The following OR56A4 variants were observed in gnomAD, a reference collection of about 807,000 sequenced individuals.
OR56A4 encodes olfactory receptor family 56 subfamily A member 4, also known as olfactory receptor 56A4.
A neutral mutation model predicts 13.6 loss-of-function variants in OR56A4; 9 were observed. The observed-to-expected ratio is 0.66, with a 90% confidence interval of 0.40 to 1.15. OR56A4 has a LOEUF of 1.15. Among genes scored for constraint, OR56A4 ranks in the 50% most tolerant of loss-of-function variants. OR56A4 has a pLI of 0.01. For synonymous variants in OR56A4, 167 were observed against 153.9 expected, an observed-to-expected ratio of 1.08 and a Z score of -0.63; for missense variants, 380 against 375.9, an observed-to-expected ratio of 1.01 and a Z score of -0.09.
Position 5,999,906 on chromosome 11 carries a change from G to A in OR56A4, c.*2145C>T, listed in dbSNP as rs1455129675. On this transcript the variant is annotated 3_prime_UTR_variant, in exon 3 of 3. Transcript: ENST00000641156. ...AATGATTCCAGTCGGGAGGATCAGG[G>A]AAGGAAGACCTACTGTGGGAGATGG... 2 of 152,238 alleles carry A rather than the reference G, an allele frequency of 1.3e-5. No individual in the cohort carries two copies. 9.4% of individuals were successfully genotyped at this position (152,238 alleles called of 1,614,324 possible).
rs978412432 is a variant in OR56A4, at chr11:6,001,836, T to C, written c.*215A>G. Reference sequence around the variant, plus strand: ...ATCAGGAAAAATTCCAAAGTAACCATAGAATCCAGAAAAGGGAGGTTTCCT... The same window carrying C: ...ATCAGGAAAAATTCCAAAGTAACCACAGAATCCAGAAAAGGGAGGTTTCCT... On this transcript the variant is annotated 3_prime_UTR_variant, in exon 3 of 3. Coordinates refer to ENST00000641156, the MANE Select transcript of OR56A4 (RefSeq NM_001005179.4). 8.1e-6 allele frequency: 4 copies of C among 493,202 alleles called. No homozygotes were observed. The highest frequency in any genetic ancestry group is 1.4e-5 in the Non-Finnish European group (4 of 290,042). 30.6% of individuals were successfully genotyped at this position (493,202 alleles called of 1,614,324 possible). A position where few individuals can be genotyped will look rare whatever the true frequency, so the allele number is the denominator to read the frequency against.
At chr11:6,005,839 G>A (rs974188573) in intron 2 of OR56A4, among the ~76,000 whole-genome samples, 4 of 152,120 alleles carry the variant, frequency 2.6e-5, no homozygotes, top group Admixed American at 1.3e-4. Flanking sequence ...ATCTCACAAA[G>A]TTTCCACTTT....
chr11:6,004,862 AT>A (rs1158356079), intron 2 of OR56A4, among the ~76,000 whole-genome samples: 14 of 152,216 alleles, frequency 9.2e-5, no homozygotes, highest in African/African-American at 3.1e-4. Flanking sequence ...CCTCGTCAGA[AT>A]GCTAAAGACA....
rs1455023741 is a variant in OR56A4 at position 6,002,760 on chromosome 11, A to G, written c.233T>C (p.Leu78Pro). Residue 78 changes from leucine (L) to proline (P), a missense_variant, in exon 3 of 3, where the codon CTC becomes CCC. By Grantham distance (98) the Leu-to-Pro change is moderately conservative. Coordinates refer to ENST00000641156, the MANE Select transcript of OR56A4 (RefSeq NM_001005179.4). Reference sequence around the variant, plus strand: ...GGCCAGGACCTTGGGGATGACGGTGAGGCAGAGCACGATGTCCAGCAGGGA... The same window carrying G: ...GGCCAGGACCTTGGGGATGACGGTGGGGCAGAGCACGATGTCCAGCAGGGA... ...LLSLLDIVLCLTVIPKVLAIF... is the reference protein window; with the variant it reads ...LLSLLDIVLCPTVIPKVLAIF... 1.2e-6 allele frequency: 2 copies of G among 1,614,092 alleles called. No homozygotes were observed. Among genetic ancestry groups the G allele is most frequent in the Admixed American group, 3.3e-5 (2 of 60,026 alleles).
In OR56A4 at chr11:6,002,828, C is replaced by T. The variant is rs1404522550; in HGVS notation, c.165G>A (p.Glu55=). The T allele has an allele frequency of 2.0e-5, 33 of 1,613,852 alleles. No individual in the cohort carries two copies. Among genetic ancestry groups the T allele is most frequent in the Non-Finnish European group, 2.7e-5 (32 of 1,179,974 alleles). ...AGTACAGGGGCTGGTGCAGAGAGGC[C>T]TCCAGCTGGATGGTGATCAGGAGGG... The part of the protein sequence containing the change: ...NTTLLITIQL[E]ASLHQPLYYL... Residue 55 remains glutamate, a synonymous_variant, in exon 3 of 3, where the codon GAG becomes GAA. Transcript: ENST00000641156.
chr11:6,006,881 T>C (rs1323443288), intron 1 of OR56A4, 37 bp downstream of exon 1: 1 of 152,556 alleles, frequency 6.6e-6, no homozygotes, highest in African/African-American at 2.4e-5. Flanking sequence ...CAGCATCCTC[T>C]TCCTCATAAT....
chr11:6,003,020 C>A lies in OR56A4; in HGVS notation c.-28G>T. ...AAAGTTTCCTGATCAATCTGGAGAC[C>A]CAGTGTACCTTAAAACGTAGTAGAG... On this transcript the variant is annotated 5_prime_UTR_variant, in exon 3 of 3. Coordinates refer to ENST00000641156, the MANE Select transcript of OR56A4 (RefSeq NM_001005179.4). The A allele has an allele frequency of 1.2e-6, 2 of 1,613,990 alleles. No homozygotes were observed. Among genetic ancestry groups the A allele is most frequent in the Non-Finnish European group, 1.7e-6 (2 of 1,179,934 alleles).
intron 2 of OR56A4, 21 bp from the exon 3 acceptor site, chr11:6,003,049 T>C: frequency 6.2e-7 from 1 of 1,613,862 alleles, no homozygotes. Context: ...AGTAGAGAAG[T>C]ACAGAAACAT....
At chr11:6,003,117 C>G in intron 2 of OR56A4, 89 bp from the exon 3 acceptor site, 1 of 1,586,008 alleles carries the variant, frequency 6.3e-7, no homozygotes, top group Non-Finnish European at 8.6e-7. Context: ...CTGTATCTGT[C>G]CCAATAAAGT....
Position 6,002,694 on chromosome 11 carries a change from C to A in OR56A4, c.299G>T (p.Cys100Phe). ...GTTCATGATGAACATCTGGAGGAAG[C>A]AGGCTGGGAAGCTGATCGACCTGAG... The part of the protein sequence containing the change: ...FDLRSISFPA[C>F]FLQMFIMNSF... The change falls in exon 3 of 3, where the codon TGC (cysteine) becomes TTC (phenylalanine). Residue 100 changes from cysteine to phenylalanine, a missense_variant. Cys to Phe is a radical substitution (Grantham distance 205). Transcript: ENST00000641156. The A allele has an allele frequency of 1.2e-5, 19 of 1,614,212 alleles. No homozygotes were observed. The highest frequency in any genetic ancestry group is 1.6e-5 in the Non-Finnish European group (19 of 1,180,038).
chr11:6,002,574 G>T lies in OR56A4; in HGVS notation c.419C>A (p.Thr140Asn). The T allele has an allele frequency of 6.2e-7, 1 of 1,614,264 alleles. No individual in the cohort carries two copies. The highest frequency in any genetic ancestry group is 8.5e-7 in the Non-Finnish European group (1 of 1,180,052). The part of the protein sequence containing the change: ...CHPLRYPSII[T>N]DQFVARAVVF... ...CACGGCCCTAGCCACAAACTGGTCA[G>T]TGATGATAGACGGGTATCTCAATGG... The change falls in exon 3 of 3, where the codon ACT (threonine) becomes AAT (asparagine). Residue 140 changes from threonine to asparagine, a missense_variant. Coordinates refer to ENST00000641156, the MANE Select transcript of OR56A4 (RefSeq NM_001005179.4).
At chr11:6,004,238 G>C (rs1037741246) in intron 2 of OR56A4, among the ~76,000 whole-genome samples, 1 of 152,140 alleles carries the variant, frequency 6.6e-6, no homozygotes, top group African/African-American at 2.4e-5. Flanking sequence ...TGTAATCCCA[G>C]CTACTTGGGA....
Position 6,000,681 on chromosome 11 carries a change from G to C in OR56A4, c.*1370C>G, listed in dbSNP as rs1325547609. 1 of 152,154 alleles carries C rather than the reference G, an allele frequency of 6.6e-6. No homozygotes were observed. Among genetic ancestry groups the C allele is most frequent in the African/African-American group, 2.4e-5 (1 of 41,444 alleles). 9.4% of individuals were successfully genotyped at this position (152,154 alleles called of 1,614,324 possible). On this transcript the variant is annotated 3_prime_UTR_variant, in exon 3 of 3. Coordinates refer to ENST00000641156, the MANE Select transcript of OR56A4 (RefSeq NM_001005179.4). ...TTGGCAAATGGTGATAATGGTAAAA[G>C]AAGGCTGATGTGAGAAGCATCAAAT...
chr11:6,002,152 T>C lies in OR56A4; in HGVS notation c.841A>G (p.Ile281Val), dbSNP rs1317951761. 1 of 1,614,166 alleles carries C rather than the reference T, an allele frequency of 6.2e-7. No individual in the cohort carries two copies. Residue 281 changes from isoleucine to valine, a missense_variant, in exon 3 of 3, where the codon ATC becomes GTC. Transcript: ENST00000641156. ...IPPDVPILLN[I>V]LHHLIPPALN... ...GCTGGGGGAATGAGGTGGTGCAGGA[T>C]GTTGAGCAGGATGGGGACATCTGGA... is the stretch of plus-strand genomic sequence containing the variant.
chr11:6,002,413 C>T lies in OR56A4; in HGVS notation c.580G>A (p.Asp194Asn). ...TGGTAGAGCTGATTGAAAGTGATGT[C>T]ATCACAAGAGAGTTTGGACACAGAC... ...NLSVSKLSCD[D>N]ITFNQLYQFV... The change falls in exon 3 of 3, where the codon GAC becomes AAC. Residue 194 changes from aspartate to asparagine, a missense_variant. By Grantham distance (23) the Asp-to-Asn change is conservative. Coordinates refer to ENST00000641156, the MANE Select transcript of OR56A4 (RefSeq NM_001005179.4). 1 of 1,614,224 alleles carries T rather than the reference C, an allele frequency of 6.2e-7. No individual in the cohort carries two copies. Among genetic ancestry groups the T allele is most frequent in the Non-Finnish European group, 8.5e-7 (1 of 1,180,034 alleles).
At position 6,006,313 on chromosome 11, in the gene OR56A4, G is replaced by A. The variant is rs1848258777; in HGVS notation, c.-101C>T. 6.6e-6 allele frequency: 1 copy of A among 152,168 alleles called. No individual in the cohort carries two copies. Among genetic ancestry groups the A allele is most frequent in the South Asian group, 2.1e-4 (1 of 4,820 alleles). 9.4% of individuals were successfully genotyped at this position (152,168 alleles called of 1,614,324 possible). Reference sequence around the variant, plus strand: ...CTGAATTTTCCTTAGTGAAATTGAGGCCTCCTAATCTGAGAAATGAAGAAT... The same window carrying A: ...CTGAATTTTCCTTAGTGAAATTGAGACCTCCTAATCTGAGAAATGAAGAAT... On this transcript the variant is annotated 5_prime_UTR_variant, in exon 2 of 3. Transcript: ENST00000641156.
Position 6,002,985 on chromosome 11 carries a change from G to T in OR56A4, c.8C>A (p.Ser3Tyr). MA[S>Y]PSNDSTAPVS... ...TGGGGCAGTGGAGTCATTGCTGGGA[G>T]ATGCCATGTAAAGTTTCCTGATCAA... is the stretch of plus-strand genomic sequence containing the variant. Residue 3 changes from serine (S) to tyrosine (Y), a missense_variant, in exon 3 of 3, where the codon TCT becomes TAT. Ser to Tyr is a moderately radical substitution (Grantham distance 144). Transcript: ENST00000641156. 6.2e-7 allele frequency: 1 copy of T among 1,614,110 alleles called. No individual in the cohort carries two copies.
chr11:6,004,606 C>T (rs1388684142), intron 2 of OR56A4, among the ~76,000 whole-genome samples: 2 of 152,110 alleles, frequency 1.3e-5, no homozygotes, highest in African/African-American at 2.4e-5. Context: ...AAAATTTACC[C>T]ATTGTAGGGC....
rs1282737266 is a variant in OR56A4 at position 6,001,101 on chromosome 11, A to T, written c.*950T>A. ...ATTAAGAAGGAAATGCCAAAATAGT[A>T]GAATACACTATTCTGTGAAAAACAA... is the stretch of plus-strand genomic sequence containing the variant. On this transcript the variant is annotated 3_prime_UTR_variant, in exon 3 of 3. Transcript: ENST00000641156. 1 of 152,216 alleles carries T rather than the reference A, an allele frequency of 6.6e-6. No individual in the cohort carries two copies. The highest frequency in any genetic ancestry group is 1.5e-5 in the Non-Finnish European group (1 of 68,030). The allele number at this position is 152,216 out of a possible 1,614,324, so 9.4% of individuals were successfully genotyped here. A position where few individuals can be genotyped will look rare whatever the true frequency, so the allele number is the denominator to read the frequency against.
Sources: gnomAD v4.1 joint callset for allele counts (sites outside exome capture counted in the v4.1 genomes callset) on GRCh38, gnomAD v4.1.1 for gene constraint, MANE v1.5 for transcripts, NCBI Gene and HGNC (gene_info 2026-07-23, HGNC 2026-07-21) for gene names.